RBMS3: variants seen among roughly 807,000 people sequenced by gnomAD.
RBMS3 encodes RNA binding motif single stranded interacting protein 3.
Under a neutral mutation model 66.8 loss-of-function variants are expected in RBMS3, and 27 were observed. The observed-to-expected ratio is 0.40, with a 90% CI of 0.30 to 0.56. The LOEUF (loss-of-function observed/expected upper bound fraction) is 0.56, where lower values mean the gene tolerates loss of function less well. Among genes scored for constraint, RBMS3 ranks in the 20% least tolerant of loss-of-function variants. The pLI is 0.40. For synonymous variants in RBMS3, 188 were observed against 183.0 expected (o/e 1.03, Z -0.22); for missense variants, 513 against 549.5 (o/e 0.93, Z 0.66).
chr3:29,410,634 G>T (rs78991451), intron 1 of RBMS3, among the ~76,000 whole-genome samples: 3,344 of 152,236 alleles, frequency 0.022, 129 homozygotes, highest in African/African-American at 0.076. Context: ...AGATGCCAAA[G>T]AATAAAATTT....
intron 1 of RBMS3, among the ~76,000 whole-genome samples, chr3:29,368,281 A>G (rs2038013407): frequency 6.6e-6 from 1 of 152,178 alleles, no homozygotes; most frequent in Non-Finnish European, 1.5e-5. Context: ...TCTGTGAACT[A>G]GCAAATCCTA....
chr3:29,916,739 G>GA (rs2060647660), intron 10 of RBMS3, among the ~76,000 whole-genome samples: 1 of 151,756 alleles, frequency 6.6e-6, no homozygotes, highest in African/African-American at 2.4e-5. Flanking sequence ...TGTATTTCCA[G>GA]AAAAAAATGT....
chr3:29,664,579 G>T (rs1000026058), intron 4 of RBMS3, among the ~76,000 whole-genome samples: 1 of 151,714 alleles, frequency 6.6e-6, no homozygotes, highest in African/African-American at 2.4e-5. Context: ...ATGGTAGATA[G>T]CCAGTCAAAT....
intron 6 of RBMS3, among the ~76,000 whole-genome samples, chr3:29,801,753 G>A (rs2057398904): frequency 6.6e-6 from 1 of 151,896 alleles, no homozygotes; most frequent in South Asian, 2.1e-4. Flanking sequence ...AGAAATTTCT[G>A]CTCTTTTTCT....
At chr3:29,757,773 A>T (rs923525051) in intron 5 of RBMS3, among the ~76,000 whole-genome samples, 11 of 152,140 alleles carry the variant, frequency 7.2e-5, no homozygotes, top group African/African-American at 2.7e-4. Flanking sequence ...CATTAACAAC[A>T]CCTTAAATTA....
intron 1 of RBMS3, among the ~76,000 whole-genome samples, chr3:29,395,025 G>T (rs1246971505): frequency 6.6e-6 from 1 of 152,150 alleles, no homozygotes; most frequent in Non-Finnish European, 1.5e-5. Context: ...TTTCAGCAAT[G>T]CCACCTCCCA....
chr3:29,481,634 C>A (rs1156557937), intron 2 of RBMS3, among the ~76,000 whole-genome samples: 1 of 152,102 alleles, frequency 6.6e-6, no homozygotes, highest in African/African-American at 2.4e-5. Context: ...GGAGAACAGT[C>A]TGAGCAAGTA....
intron 1 of RBMS3, among the ~76,000 whole-genome samples, chr3:29,374,830 T>A (rs2038384834): frequency 6.6e-6 from 1 of 152,218 alleles, no homozygotes; most frequent in Non-Finnish European, 1.5e-5. Flanking sequence ...GTACTATGTT[T>A]TACCATTATC....
At chr3:29,507,068 T>C (rs983866847) in intron 3 of RBMS3, among the ~76,000 whole-genome samples, 3 of 151,672 alleles carry the variant, frequency 2.0e-5, no homozygotes, top group Non-Finnish European at 4.4e-5. Context: ...CTAGTTCTGC[T>C]TCACTTATTT....
At chr3:29,983,352 G>C (rs776714141) in intron 12 of RBMS3, among the ~76,000 whole-genome samples, 1 of 151,818 alleles carries the variant, frequency 6.6e-6, no homozygotes, top group Non-Finnish European at 1.5e-5. Context: ...ACACCAATGG[G>C]TCTTACTCTT....
chr3:29,747,187 C>T (rs540914160), intron 5 of RBMS3, among the ~76,000 whole-genome samples: 73 of 152,302 alleles, frequency 4.8e-4, no homozygotes, highest in African/African-American at 1.7e-3. Context: ...TTTCTACACT[C>T]TCAGCTTTCT....
chr3:29,358,773 G>T (rs1362578435), intron 1 of RBMS3, among the ~76,000 whole-genome samples: 2 of 152,106 alleles, frequency 1.3e-5, no homozygotes, highest in African/African-American at 4.8e-5. Flanking sequence ...TCCCTTGTAA[G>T]TTGGAATCCT....
At chr3:29,605,968 G>GT (rs199500576) in intron 4 of RBMS3, among the ~76,000 whole-genome samples, 5,858 of 140,742 alleles carry the variant, frequency 0.042, 131 homozygotes, top group Admixed American at 0.094. Flanking sequence ...AAACAAGGTA[G>GT]TTTTTTTTTT....
chr3:29,332,982 T>A (rs2035751214), intron 1 of RBMS3, among the ~76,000 whole-genome samples: 1 of 152,174 alleles, frequency 6.6e-6, no homozygotes, highest in Non-Finnish European at 1.5e-5. Context: ...TATTATTTTC[T>A]CAGCTAGTCT....
intron 4 of RBMS3, among the ~76,000 whole-genome samples, chr3:29,667,292 T>A (rs2050806104): frequency 6.6e-6 from 1 of 152,190 alleles, no homozygotes; most frequent in South Asian, 2.1e-4. Context: ...AACCATTACT[T>A]GGCTTCATTT....
chr3:29,710,508 C>A (rs929973896), intron 4 of RBMS3, among the ~76,000 whole-genome samples: 2 of 152,250 alleles, frequency 1.3e-5, no homozygotes, highest in East Asian at 3.9e-4. Flanking sequence ...GCTACACAGT[C>A]GCAGGCACAG....
chr3:29,489,191 A>G (rs376961997), intron 3 of RBMS3, among the ~76,000 whole-genome samples: 23 of 152,234 alleles, frequency 1.5e-4, no homozygotes, highest in African/African-American at 5.3e-4. Context: ...TGTTCCTTTA[A>G]TCTAATCTTT....
At chr3:29,320,382 A>G (rs545757473) in intron 1 of RBMS3, among the ~76,000 whole-genome samples, 1 of 152,184 alleles carries the variant, frequency 6.6e-6, no homozygotes, top group African/African-American at 2.4e-5. Flanking sequence ...TGTTTTCTCC[A>G]AAGGTGAATA....
At chr3:29,913,131 A>G (rs562482508) in intron 10 of RBMS3, among the ~76,000 whole-genome samples, 2 of 152,044 alleles carry the variant, frequency 1.3e-5, no homozygotes, top group Non-Finnish European at 2.9e-5. Context: ...ACTTGCCAAG[A>G]TGAATCAGGT....
Sources: allele counts gnomAD v4.1 joint callset (sites outside exome capture counted in the v4.1 genomes callset), GRCh38; gene constraint gnomAD v4.1.1; transcripts MANE v1.5; gene names NCBI Gene and HGNC (gene_info 2026-07-23, HGNC 2026-07-21).